EDAR: variants seen among roughly 807,000 people sequenced by gnomAD.
The protein encoded by EDAR is tumor necrosis factor receptor superfamily member EDAR.
In EDAR, 38 loss-of-function variants were observed where a neutral mutation model predicts 51.3. That is an observed-to-expected ratio of 0.74 (90% confidence interval 0.57 to 0.97). EDAR has a LOEUF of 0.97. Ranked by LOEUF, EDAR falls within the 50% of genes least tolerant of loss-of-function variation. EDAR has a pLI of 0.00. For missense variants in EDAR, 528 were observed against 595.0 expected (o/e 0.89, Z 1.17); for synonymous variants, 227 against 242.1 (o/e 0.94, Z 0.58).
At chr2:108,946,910 T>C (rs1375869098) in intron 1 of EDAR, among the ~76,000 whole-genome samples, 2 of 152,116 alleles carry the variant, frequency 1.3e-5, no homozygotes, top group Non-Finnish European at 2.9e-5. Context: ...TTTTTCACAT[T>C]TCAAAACCAA....
At chr2:108,955,846 G>A (rs140054023) in intron 1 of EDAR, among the ~76,000 whole-genome samples, 7,466 of 152,218 alleles carry the variant, frequency 0.049, 281 homozygotes, top group Non-Finnish European at 0.073. Context: ...CTAACACGGC[G>A]AAATACTGTC....
At position 108,932,096 on chromosome 2, in the gene EDAR, C is replaced by T. The variant is rs577973644; in HGVS notation, c.-18-1064G>A. 2.8e-4 allele frequency among the ~76,000 whole-genome samples: 43 copies of T among 152,300 alleles called. 1 individual carries two copies. The South Asian group carries it at 5.2e-3, about 18-fold the overall frequency. ...ACCAACTAATTCCCAATACCACACA[C>T]AAAAACACCGTGACGAACATATGCC... On this transcript the variant is annotated intron_variant, in intron 1 of 11. Transcript: ENST00000258443.
chr2:108,979,385 C>G (rs1698382532), intron 1 of EDAR, among the ~76,000 whole-genome samples: 1 of 152,140 alleles, frequency 6.6e-6, no homozygotes, highest in Non-Finnish European at 1.5e-5. Context: ...CCACTTCCCC[C>G]AGCCTGGTCC....
At chr2:108,971,587 G>T (rs1460620456) in intron 1 of EDAR, among the ~76,000 whole-genome samples, 4 of 151,816 alleles carry the variant, frequency 2.6e-5, no homozygotes, top group Admixed American at 6.5e-5. Context: ...GAATGAAGGT[G>T]TGAGGGTGTG....
At position 108,907,949 on chromosome 2, in the gene EDAR, G is replaced by A; in HGVS notation, c.874C>T (p.Pro292Ser). 1 of 1,613,652 alleles carries A rather than the reference G, an allele frequency of 6.2e-7. No individual in the cohort carries two copies. The highest frequency in any genetic ancestry group is 1.1e-5 in the South Asian group (1 of 91,070). The change falls in exon 10 of 12, where the codon CCT becomes TCT. Residue 292 changes from proline (P) to serine (S), a missense_variant. Coordinates refer to ENST00000258443, the MANE Select transcript of EDAR (RefSeq NM_022336.4). ...RSVDSDEEPA[P>S]DKQGSPELCL... ...AGCTCCGGGGAGCCCTGCTTGTCAGGGGCGGGCTCCTCATCACTGTCGACG... is the reference window on the plus strand; with the variant it reads ...AGCTCCGGGGAGCCCTGCTTGTCAGAGGCGGGCTCCTCATCACTGTCGACG...
intron 1 of EDAR, among the ~76,000 whole-genome samples, chr2:108,978,527 A>T (rs1698368684): frequency 1.3e-5 from 2 of 152,244 alleles, no homozygotes; most frequent in Admixed American, 1.3e-4. Context: ...CTTAGGGAAC[A>T]TGCAGATCCT....
intron 1 of EDAR, among the ~76,000 whole-genome samples, chr2:108,932,571 A>C (rs997743319): frequency 1.3e-5 from 2 of 151,296 alleles, no homozygotes; most frequent in African/African-American, 4.9e-5. Context: ...TTAAGAATTA[A>C]GTTGGAGAAG....
intron 5 of EDAR, 32 bp from the exon 6 acceptor site, chr2:108,912,796 C>T: frequency 6.5e-7 from 1 of 1,537,196 alleles, no homozygotes; most frequent in Non-Finnish European, 8.8e-7. Flanking sequence ...TCAAATGATC[C>T]AGAGAAGCTC....
chr2:108,930,045 G>C (rs1047089207), intron 3 of EDAR, 75 bp downstream of exon 3: 59 of 1,529,300 alleles, frequency 3.9e-5, no homozygotes, highest in Non-Finnish European at 5.1e-5. Context: ...AGCAAGGCAG[G>C]CTCAGGGCAA....
intron 1 of EDAR, among the ~76,000 whole-genome samples, chr2:108,937,743 G>A (rs888035612): frequency 1.3e-5 from 2 of 152,014 alleles, no homozygotes; most frequent in African/African-American, 4.8e-5. Context: ...GTGTATGAGT[G>A]TATGCATATG....
At chr2:108,972,600 T>TGGTAAAACAAGTGTC (rs1349994371) in intron 1 of EDAR, among the ~76,000 whole-genome samples, 7 of 152,248 alleles carry the variant, frequency 4.6e-5, no homozygotes, top group African/African-American at 1.4e-4. Context: ...CGCCAAGTGT[T>TGGTAAAACAAGTGTC]GGTAAAACAA....
chr2:108,908,136 G>T, intron 9 of EDAR, 117 bp from the exon 10 acceptor site: 2 of 1,202,634 alleles, frequency 1.7e-6, no homozygotes, highest in Non-Finnish European at 2.3e-6. Context: ...GCAATGACTT[G>T]TTTTTCAGGT....
intron 4 of EDAR, among the ~76,000 whole-genome samples, chr2:108,925,092 G>A (rs995686008): frequency 1.3e-5 from 2 of 152,080 alleles, no homozygotes; most frequent in African/African-American, 2.4e-5. Flanking sequence ...GATTGGTCCC[G>A]CTCCTGGGCT....
At position 108,962,674 on chromosome 2, in the gene EDAR, C is replaced by CA. The variant is rs66741499; in HGVS notation, c.-19+26285dup. Among the ~76,000 whole-genome samples the CA allele has an allele frequency of 7.7e-3, 517 of 66,846 alleles. 18 individuals carry two copies. Among genetic ancestry groups the CA allele is most frequent in the African/African-American group, 0.031 (389 of 12,646 alleles). 43.9% of individuals were successfully genotyped at this position (66,846 alleles called of 152,430 possible). ...TGGGCGACAGAGCGAGACTCTGTCT[C>CA]AAAAAAAAAAAAAAAAAAAAAAAAA... On this transcript the variant is annotated intron_variant, in intron 1 of 11. Coordinates refer to ENST00000258443, the MANE Select transcript of EDAR (RefSeq NM_022336.4).
At chr2:108,944,362 C>G (rs1002712276) in intron 1 of EDAR, among the ~76,000 whole-genome samples, 3 of 152,234 alleles carry the variant, frequency 2.0e-5, no homozygotes, top group African/African-American at 7.2e-5. Flanking sequence ...AATCCACCCG[C>G]CTTGGCCTCC....
At chr2:108,981,012 ACCCGTTAAACTCAG>A (rs1698410560) in intron 1 of EDAR, among the ~76,000 whole-genome samples, 2 of 152,076 alleles carry the variant, frequency 1.3e-5, no homozygotes, top group Non-Finnish European at 2.9e-5. Flanking sequence ...GGTTGAGCTG[ACCCGTTAAACTCAG>A]CCCGTGAGTG....
At chr2:108,943,080 C>G (rs1288071075) in intron 1 of EDAR, among the ~76,000 whole-genome samples, 1 of 152,162 alleles carries the variant, frequency 6.6e-6, no homozygotes, top group Non-Finnish European at 1.5e-5. Context: ...TTTTTCCCTC[C>G]CTTACATTCG....
At chr2:108,931,730 T>G (rs922378143) in intron 1 of EDAR, among the ~76,000 whole-genome samples, 2 of 150,310 alleles carry the variant, frequency 1.3e-5, no homozygotes, top group Non-Finnish European at 3.0e-5. Context: ...TTTTTTTTTC[T>G]TTTTTTTTGC....
intron 1 of EDAR, among the ~76,000 whole-genome samples, chr2:108,938,378 G>A (rs1697518176): frequency 6.6e-6 from 1 of 152,200 alleles, no homozygotes; most frequent in Admixed American, 6.5e-5. Flanking sequence ...GCAGGTGTGT[G>A]TGCACTTGTA....
Sources: allele counts gnomAD v4.1 joint callset (sites outside exome capture counted in the v4.1 genomes callset), GRCh38; gene constraint gnomAD v4.1.1; transcripts MANE v1.5; gene names NCBI Gene and HGNC (gene_info 2026-07-23, HGNC 2026-07-21).